HECW2: variants seen among roughly 807,000 people sequenced by gnomAD.
The protein encoded by HECW2 is E3 ubiquitin-protein ligase HECW2.
In HECW2, 61 loss-of-function variants were observed where a neutral mutation model predicts 175.2. The ratio of observed to expected loss-of-function variants is 0.35; its 90% confidence interval spans 0.28 to 0.43. The LOEUF is 0.43. Among genes scored for constraint, HECW2 ranks in the 20% least tolerant of loss-of-function variants. HECW2 has a pLI of 1.00. For synonymous variants in HECW2, 671 were observed against 731.0 expected (o/e 0.92, Z 1.32); for missense variants, 1,524 against 2,000.5 (o/e 0.76, Z 4.54).
rs190440980 is a variant in HECW2 at position 196,317,842 on chromosome 2, T to C, written c.2339-473A>G. Among the ~76,000 whole-genome samples, 656 of 152,310 alleles carry C rather than the reference T, an allele frequency of 4.3e-3. 26 individuals carry two copies. The highest frequency in any genetic ancestry group is 0.041 in the Admixed American group (633 of 15,306). ...ATTTTTAATGCATCCTTACAGGGCA[T>C]ATTAAAGGAATCATTCTAGAGAGCT... On this transcript the variant is annotated intron_variant, in intron 9 of 28. Transcript: ENST00000644978.
intron 14 of HECW2, chr2:196,290,242 C>G (rs1259232358): frequency 6.6e-6 from 1 of 152,186 alleles, no homozygotes; most frequent in African/African-American, 2.4e-5. Context: ...TTTGTATAGT[C>G]ATGTTATGAA....
chr2:196,360,845 T>C (rs1693562529), intron 2 of HECW2, among the ~76,000 whole-genome samples: 1 of 152,220 alleles, frequency 6.6e-6, no homozygotes, highest in Admixed American at 6.5e-5. Context: ...TGACTGCTCA[T>C]GTAAGTCTTT....
At chr2:196,392,791 T>C (rs1694552163) in intron 2 of HECW2, among the ~76,000 whole-genome samples, 1 of 152,166 alleles carries the variant, frequency 6.6e-6, no homozygotes, top group South Asian at 2.1e-4. Flanking sequence ...GATTTTCGTA[T>C]TGGAAAAAAC....
chr2:196,207,667 T>C (rs983749338), intron 28 of HECW2, among the ~76,000 whole-genome samples: 4 of 152,218 alleles, frequency 2.6e-5, no homozygotes, highest in Non-Finnish European at 4.4e-5. Flanking sequence ...TAAATATCCA[T>C]TGCTTCTCTC....
chr2:196,484,201 T>G (rs1686930377), intron 1 of HECW2, among the ~76,000 whole-genome samples: 1 of 152,196 alleles, frequency 6.6e-6, no homozygotes, highest in Non-Finnish European at 1.5e-5. Context: ...CTTAGTATAG[T>G]GCCTGGTTCA....
intron 2 of HECW2, among the ~76,000 whole-genome samples, chr2:196,387,881 T>C (rs1362432277): frequency 6.6e-6 from 1 of 152,180 alleles, no homozygotes; most frequent in African/African-American, 2.4e-5. Flanking sequence ...AACCTCCGTA[T>C]TTCATTGAAG....
intron 5 of HECW2, among the ~76,000 whole-genome samples, chr2:196,328,812 CAATTT>C (rs1692249560): frequency 6.6e-6 from 1 of 152,026 alleles, no homozygotes; most frequent in Non-Finnish European, 1.5e-5. Context: ...TTATGACTAC[CAATTT>C]ATTTTCTAAA....
intron 1 of HECW2, among the ~76,000 whole-genome samples, chr2:196,433,745 C>T (rs1695787247): frequency 6.6e-6 from 1 of 152,100 alleles, no homozygotes; most frequent in Non-Finnish European, 1.5e-5. Flanking sequence ...CTTGCCATCC[C>T]TTTTAGGTCT....
rs375879738 is a variant in HECW2 at position 196,201,437 on chromosome 2, G to C, written c.4608-49C>G. Reference sequence around the variant, plus strand: ...TAGTTTAGAACAGGCCGAGTGAAATGAAAATGTGTGTGGTGTGTGTGTGTG... The same window carrying C: ...TAGTTTAGAACAGGCCGAGTGAAATCAAAATGTGTGTGGTGTGTGTGTGTG... On this transcript the variant is annotated intron_variant, in intron 28 of 28. Coordinates refer to ENST00000644978, the MANE Select transcript of HECW2 (RefSeq NM_001348768.2). 4 of 1,316,356 alleles carry C rather than the reference G, an allele frequency of 3.0e-6. No individual in the cohort carries two copies. In the African/African-American group the frequency reaches 4.4e-5, roughly 14 times the overall value. The allele number at this position is 1,316,356 out of a possible 1,614,324, so 81.5% of individuals were successfully genotyped here. A position where few individuals can be genotyped will look rare whatever the true frequency, so the allele number is the denominator to read the frequency against.
At chr2:196,530,977 T>C (rs1688820504) in intron 1 of HECW2, among the ~76,000 whole-genome samples, 2 of 152,342 alleles carry the variant, frequency 1.3e-5, no homozygotes, top group South Asian at 4.1e-4. Flanking sequence ...CTAACCTTCA[T>C]CTGGCCAACT....
At chr2:196,290,003 C>G (rs957646267) in intron 14 of HECW2, 1 of 152,166 alleles carries the variant, frequency 6.6e-6, no homozygotes, top group Non-Finnish European at 1.5e-5. Context: ...TAATGCATGA[C>G]AGAGAGAGAT....
At chr2:196,403,712 T>A (rs1694882070) in intron 2 of HECW2, among the ~76,000 whole-genome samples, 1 of 152,164 alleles carries the variant, frequency 6.6e-6, no homozygotes, top group Admixed American at 6.5e-5. Context: ...GGGAAGATAA[T>A]CGTGGCTATA....
intron 1 of HECW2, among the ~76,000 whole-genome samples, chr2:196,435,078 T>C (rs1256817860): frequency 6.6e-6 from 1 of 152,222 alleles, no homozygotes; most frequent in Non-Finnish European, 1.5e-5. Context: ...ATAAAGTAGA[T>C]CTCATACTTT....
At chr2:196,342,913 T>C (rs1286873743) in intron 3 of HECW2, among the ~76,000 whole-genome samples, 3 of 151,822 alleles carry the variant, frequency 2.0e-5, no homozygotes, top group Non-Finnish European at 2.9e-5. Context: ...ATATAAAGGG[T>C]ATATAAAAAT....
chr2:196,391,541 C>A (rs969036068), intron 2 of HECW2, among the ~76,000 whole-genome samples: 3 of 152,130 alleles, frequency 2.0e-5, no homozygotes, highest in African/African-American at 7.2e-5. Context: ...ACATTTGGAA[C>A]CCAAAGGCTT....
chr2:196,414,041 C>CA (rs1364201740), intron 2 of HECW2, among the ~76,000 whole-genome samples: 1 of 152,196 alleles, frequency 6.6e-6, no homozygotes, highest in East Asian at 1.9e-4. Context: ...TGTACCCCAC[C>CA]AACACAGTCA....
intron 1 of HECW2, among the ~76,000 whole-genome samples, chr2:196,489,599 C>T (rs1243265133): frequency 6.6e-6 from 1 of 152,072 alleles, no homozygotes; most frequent in Non-Finnish European, 1.5e-5. Context: ...AGGAACAGAC[C>T]ACAAGCCTGT....
chr2:196,334,330 G>A, intron 4 of HECW2, 94 bp downstream of exon 4: 1 of 894,136 alleles, frequency 1.1e-6, no homozygotes, highest in Non-Finnish European at 1.7e-6. Flanking sequence ...CTTTTTCATT[G>A]TTCCTCATAA....
At position 196,200,426 on chromosome 2, in the gene HECW2, A is replaced by G. The variant is rs554168171; in HGVS notation, c.*851T>C. The stretch of plus-strand genomic sequence containing the variant: ...GCCCGAGTATGCATGGAACATGAAA[A>G]TGGAATGAGTGATACATACAGCATG... On this transcript the variant is annotated 3_prime_UTR_variant, in exon 29 of 29. Transcript: ENST00000644978. 6.6e-6 allele frequency: 1 copy of G among 152,650 alleles called. No individual in the cohort carries two copies. The highest frequency in any genetic ancestry group is 2.4e-5 in the African/African-American group (1 of 41,532). The allele number at this position is 152,650 out of a possible 1,614,324, so 9.5% of individuals were successfully genotyped here.
Sources: allele counts gnomAD v4.1 joint callset (sites outside exome capture counted in the v4.1 genomes callset), GRCh38; gene constraint gnomAD v4.1.1; transcripts MANE v1.5; gene names NCBI Gene and HGNC (gene_info 2026-07-23, HGNC 2026-07-21).